KDSR: variants seen among roughly 807,000 people sequenced by gnomAD.
The protein encoded by KDSR is 3-ketodihydrosphingosine reductase.
Under a neutral mutation model 41.3 loss-of-function variants are expected in KDSR, and 23 were observed. That is an observed-to-expected ratio of 0.56 (90% CI 0.40 to 0.79). The LOEUF (loss-of-function observed/expected upper bound fraction) is 0.79. KDSR is among the 30% of genes least tolerant of loss of function. The pLI, the probability that KDSR is intolerant of heterozygous loss-of-function variation, is 0.00. For missense variants in KDSR, 351 were observed against 416.8 expected (o/e 0.84, Z 1.37); for synonymous variants, 138 against 151.7 (o/e 0.91, Z 0.66).
rs768795895 is a variant in KDSR, at chr18:63,362,794, CAG to C, written c.181_182del (p.Leu61GlyfsTer5). 5 of 1,612,298 alleles carry C rather than the reference CAG, an allele frequency of 3.1e-6. No homozygotes were observed. Among genetic ancestry groups the C allele is most frequent in the African/African-American group, 2.7e-5 (2 of 74,878 alleles). On this transcript the variant is annotated frameshift_variant, in exon 2 of 10. Coordinates refer to ENST00000645214, the MANE Select transcript of KDSR (RefSeq NM_002035.4). LOFTEE classifies it high-confidence loss of function. Reference sequence around the variant, plus strand: ...GAAGCCTTACCTCATTTCGTGCAACCAGAGTTATAAAAGCTCCTTGTTTATAG... The same window carrying C: ...GAAGCCTTACCTCATTTCGTGCAACCAGTTATAAAAGCTCCTTGTTTATAG... The part of the protein sequence containing the change: ...ECYKQGAFIT[L>X]VARNEDKLLQ...
At chr18:63,332,129 A>G (rs1914021292) in intron 9 of KDSR, among the ~76,000 whole-genome samples, 1 of 152,250 alleles carries the variant, frequency 6.6e-6, no homozygotes, top group African/African-American at 2.4e-5. Flanking sequence ...AATAAATTCA[A>G]ACCATAAGCA....
intron 7 of KDSR, among the ~76,000 whole-genome samples, chr18:63,340,546 G>A (rs1599325031): frequency 6.6e-6 from 1 of 152,120 alleles, no homozygotes; most frequent in African/African-American, 2.4e-5. Flanking sequence ...CTTTCTTCCC[G>A]CTTCACCTAT....
At chr18:63,356,167 G>A (rs1184153830) in intron 3 of KDSR, among the ~76,000 whole-genome samples, 1 of 152,218 alleles carries the variant, frequency 6.6e-6, no homozygotes, top group Non-Finnish European at 1.5e-5. Flanking sequence ...GGAGGCCGAG[G>A]CAGGTAGATC....
In KDSR at chr18:63,351,087, GA is replaced by G; in HGVS notation, c.418-9del. 8 of 1,603,202 alleles carry G rather than the reference GA, an allele frequency of 5.0e-6. No individual in the cohort carries two copies. The highest frequency in any genetic ancestry group is 6.8e-6 in the Non-Finnish European group (8 of 1,174,424). Reference sequence around the variant, plus strand: ...ATTGATGCTCATTAACCTCTGCAGGGAACAAAGAGGCCACATGAGGTCAAAA... The same window carrying G: ...ATTGATGCTCATTAACCTCTGCAGGGACAAAGAGGCCACATGAGGTCAAAA... On this transcript the variant is annotated splice_polypyrimidine_tract_variant and intron_variant, in intron 5 of 9. Coordinates refer to ENST00000645214, the MANE Select transcript of KDSR (RefSeq NM_002035.4).
At chr18:63,338,766 C>A in intron 8 of KDSR, 34 bp downstream of exon 8, 2 of 1,344,834 alleles carry the variant, frequency 1.5e-6, no homozygotes, top group Non-Finnish European at 2.1e-6. Flanking sequence ...GTACTACAAA[C>A]ACAAATAGTA....
intron 6 of KDSR, among the ~76,000 whole-genome samples, chr18:63,347,856 C>A (rs965725752): frequency 1.3e-5 from 2 of 151,746 alleles, no homozygotes; most frequent in Non-Finnish European, 2.9e-5. Flanking sequence ...AAAAAAAAGA[C>A]TAAAAAATGC....
In KDSR at chr18:63,331,658, C is replaced by T; in HGVS notation, c.*124G>A. 1.2e-6 allele frequency: 1 copy of T among 851,022 alleles called. No individual in the cohort carries two copies. The highest frequency in any genetic ancestry group is 1.8e-6 in the Non-Finnish European group (1 of 547,460). The allele number at this position is 851,022 out of a possible 1,614,324, so 52.7% of individuals were successfully genotyped here. On this transcript the variant is annotated 3_prime_UTR_variant, in exon 10 of 10. Coordinates refer to ENST00000645214, the MANE Select transcript of KDSR (RefSeq NM_002035.4). ...TGCTTGCAGCCACATTCCTGAAGAG[C>T]ACTGGTCCAATCTGACGTATTCGAA...
chr18:63,339,198 T>C (rs933507900), intron 7 of KDSR, among the ~76,000 whole-genome samples: 3 of 151,670 alleles, frequency 2.0e-5, no homozygotes, highest in Non-Finnish European at 4.4e-5. Flanking sequence ...AAAGACCCCC[T>C]TTGACTCCTC....
intron 1 of KDSR, chr18:63,366,252 A>G (rs1270694274): frequency 6.6e-6 from 1 of 152,318 alleles, no homozygotes; most frequent in Non-Finnish European, 1.5e-5. Flanking sequence ...AATCACACCT[A>G]TCCACCTCTC....
At chr18:63,342,663 G>A (rs1464708790) in intron 7 of KDSR, among the ~76,000 whole-genome samples, 1 of 152,132 alleles carries the variant, frequency 6.6e-6, no homozygotes, top group Non-Finnish European at 1.5e-5. Context: ...TAAAGAGATG[G>A]GAGGAGTACA....
chr18:63,363,753 C>T (rs918652864), intron 1 of KDSR, among the ~76,000 whole-genome samples: 45 of 152,266 alleles, frequency 3.0e-4, no homozygotes, highest in African/African-American at 1.1e-3. Context: ...AAGTAATATA[C>T]AATCACAAGG....
At position 63,329,184 on chromosome 18, in the gene KDSR, C is replaced by G. The variant is rs1470911141; in HGVS notation, c.*2598G>C. ...GATGAAGTCAGCCCATTATGTGAGG[C>G]TGCTTAAATGCCTACAACCCCTTAT... On this transcript the variant is annotated 3_prime_UTR_variant, in exon 10 of 10. Transcript: ENST00000645214. The G allele has an allele frequency of 4.8e-6, 1 of 206,258 alleles. No homozygotes were observed. 12.8% of individuals were successfully genotyped at this position (206,258 alleles called of 1,614,324 possible).
chr18:63,337,111 TG>T (rs1306457164), intron 8 of KDSR, among the ~76,000 whole-genome samples: 4,168 of 27,050 alleles, frequency 0.15, 282 homozygotes, highest in Non-Finnish European at 0.22. Flanking sequence ...TATATATATG[TG>T]AATATATATA....
At chr18:63,344,155 T>C (rs1914429101) in intron 7 of KDSR, among the ~76,000 whole-genome samples, 1 of 152,126 alleles carries the variant, frequency 6.6e-6, no homozygotes, top group Admixed American at 6.5e-5. Context: ...CCAGCCTGGA[T>C]GGCAGAGTGA....
At chr18:63,358,493 A>G (rs1914866484) in intron 3 of KDSR, among the ~76,000 whole-genome samples, 1 of 152,164 alleles carries the variant, frequency 6.6e-6, no homozygotes, top group South Asian at 2.1e-4. Context: ...TTAAAAAATA[A>G]GAATGATATA....
At chr18:63,338,639 G>A (rs150958478) in intron 8 of KDSR, among the ~76,000 whole-genome samples, 161 bp downstream of exon 8, 98 of 152,260 alleles carry the variant, frequency 6.4e-4, no homozygotes, top group African/African-American at 2.0e-3. Context: ...TCAATAAAGC[G>A]TCTAAAAGAA....
intron 6 of KDSR, among the ~76,000 whole-genome samples, chr18:63,348,637 C>T (rs1204249413): frequency 1.3e-5 from 2 of 152,106 alleles, no homozygotes; most frequent in Non-Finnish European, 2.9e-5. Context: ...GCCGGCTACT[C>T]GCAGTATGCA....
intron 9 of KDSR, among the ~76,000 whole-genome samples, chr18:63,334,648 C>A (rs896165112): frequency 1.3e-5 from 2 of 152,196 alleles, no homozygotes; most frequent in African/African-American, 4.8e-5. Context: ...CGCGCCCGGA[C>A]TACTATCACC....
At chr18:63,346,674 T>G (rs1402949827) in intron 6 of KDSR, 1 of 152,162 alleles carries the variant, frequency 6.6e-6, no homozygotes, top group Non-Finnish European at 1.5e-5. Flanking sequence ...CCTAGATTGG[T>G]ATTCTCGCTA....
Sources: allele counts gnomAD v4.1 joint callset (sites outside exome capture counted in the v4.1 genomes callset), GRCh38; gene constraint gnomAD v4.1.1; transcripts MANE v1.5; gene names NCBI Gene and HGNC (gene_info 2026-07-23, HGNC 2026-07-21).